The following SPTA1 variants were observed in gnomAD, a reference collection of about 807,000 sequenced individuals.
The protein encoded by SPTA1 is spectrin alpha, erythrocytic 1.
Under a neutral mutation model 324.7 loss-of-function variants are expected in SPTA1, and 177 were observed. The ratio of observed to expected loss-of-function variants is 0.55; its 90% CI spans 0.48 to 0.62. SPTA1 has a LOEUF of 0.62. Among genes scored for constraint, SPTA1 ranks in the 20% least tolerant of loss-of-function variants. The pLI is 0.00. For synonymous variants in SPTA1, 1,195 were observed against 1,041.3 expected (o/e 1.15, Z -2.84); for missense variants, 3,162 against 2,883.6 (o/e 1.10, Z -2.21).
chr1:158,681,729 G>T, intron 3 of SPTA1, 62 bp from the exon 4 acceptor site: 5 of 1,607,522 alleles, frequency 3.1e-6, no homozygotes, highest in Non-Finnish European at 8.5e-7. Context: ...AACACTCAGA[G>T]ACTTGTGCAG....
Position 158,642,397 on chromosome 1 carries a change from A to G in SPTA1, c.4737+14T>C. Reference sequence around the variant, plus strand: ...CATGTGACTTTGTAGCCCAAAACTCATCCTGAGCTTTACCTTCATGGCCTC... The same window carrying G: ...CATGTGACTTTGTAGCCCAAAACTCGTCCTGAGCTTTACCTTCATGGCCTC... On this transcript the variant is annotated intron_variant, in intron 33 of 51. Coordinates refer to ENST00000643759, the MANE Select transcript of SPTA1 (RefSeq NM_003126.4). 1 of 1,612,890 alleles carries G rather than the reference A, an allele frequency of 6.2e-7. No individual in the cohort carries two copies. Among genetic ancestry groups the G allele is most frequent in the Non-Finnish European group, 8.5e-7 (1 of 1,179,212 alleles).
chr1:158,620,720 C>A (rs948501352), intron 43 of SPTA1: 2 of 390,074 alleles, frequency 5.1e-6, no homozygotes, highest in Non-Finnish European at 9.1e-6. Context: ...TGAGGGAGGT[C>A]GAATTATTTC....
chr1:158,686,614 G>T lies in SPTA1; in HGVS notation c.-97C>A. The T allele has an allele frequency of 2.1e-6, 2 of 959,226 alleles. No homozygotes were observed. Among genetic ancestry groups the T allele is most frequent in the Non-Finnish European group, 3.3e-6 (2 of 604,568 alleles). The allele number at this position is 959,226 out of a possible 1,614,324, so 59.4% of individuals were successfully genotyped here. On this transcript the variant is annotated 5_prime_UTR_variant, in exon 1 of 52. Transcript: ENST00000643759. ...GGAACTGTCCAGTCGAATTCAAATA[G>T]AAATATAGAAACGTTAAGTATGTGG...
chr1:158,677,641 T>C (rs1486141239), intron 7 of SPTA1, 49 bp downstream of exon 7: 1 of 1,608,442 alleles, frequency 6.2e-7, no homozygotes, highest in East Asian at 2.2e-5. Flanking sequence ...TAATCAACAA[T>C]TGCCTCTTCT....
intron 11 of SPTA1, 70 bp from the exon 12 acceptor site, chr1:158,671,523 T>C: frequency 1.6e-6 from 2 of 1,251,792 alleles, no homozygotes; most frequent in South Asian, 2.4e-5. Context: ...GGCATATCTC[T>C]GAGACAAGGA....
At chr1:158,679,134 A>T (rs961763635) in intron 5 of SPTA1, among the ~76,000 whole-genome samples, 1 of 151,890 alleles carries the variant, frequency 6.6e-6, no homozygotes, top group Non-Finnish European at 1.5e-5. Flanking sequence ...AGGCATTCCC[A>T]TATGCCTAAG....
At chr1:158,641,608 A>G (rs1463665648) in intron 33 of SPTA1, among the ~76,000 whole-genome samples, 1 of 152,232 alleles carries the variant, frequency 6.6e-6, no homozygotes, top group Admixed American at 6.5e-5. Flanking sequence ...AACCACAATG[A>G]GATACCATCT....
At chr1:158,651,249 C>T (rs1187007697) in intron 24 of SPTA1, 118 bp downstream of exon 24, 1 of 765,054 alleles carries the variant, frequency 1.3e-6, no homozygotes, top group South Asian at 1.4e-5. Context: ...TTCCATACTG[C>T]TGTTACCTTC....
Position 158,611,063 on chromosome 1 carries a change from C to G in SPTA1, c.*201G>C. ...GCTTCCACTCCTCCAACTCTATTAA[C>G]CTTTCTATCTCCCACCCTTGAGATT... On this transcript the variant is annotated 3_prime_UTR_variant, in exon 52 of 52. Transcript: ENST00000643759. 1 of 680,650 alleles carries G rather than the reference C, an allele frequency of 1.5e-6. No homozygotes were observed. 42.2% of individuals were successfully genotyped at this position (680,650 alleles called of 1,614,324 possible).
chr1:158,615,124 T>C (rs995752365), intron 48 of SPTA1, 92 bp downstream of exon 48: 6 of 1,455,394 alleles, frequency 4.1e-6, no homozygotes, highest in African/African-American at 1.4e-5. Context: ...GCAACTCTTT[T>C]ATCTGGTGCA....
chr1:158,650,841 T>C (rs1652375062), intron 24 of SPTA1, among the ~76,000 whole-genome samples: 1 of 152,204 alleles, frequency 6.6e-6, no homozygotes, highest in South Asian at 2.1e-4. Flanking sequence ...TGGTGTAGCC[T>C]GGTACAGAAG....
intron 39 of SPTA1, among the ~76,000 whole-genome samples, chr1:158,633,181 G>C (rs1261133690): frequency 6.6e-6 from 1 of 152,136 alleles, no homozygotes. Context: ...AGGAAGAGGA[G>C]GTGGCTATAA....
At position 158,683,562 on chromosome 1, in the gene SPTA1, T is replaced by C. The variant is rs116321541; in HGVS notation, c.265-66A>G. 1.8e-3 allele frequency: 2,951 copies of C among 1,603,394 alleles called. 55 individuals are homozygous for C. In the African/African-American group the frequency reaches 0.035, roughly 19 times the overall value. ...GTCTTCATGGGAAATGTTCACTCTATGTAAAGCCACCAAACACAGGTTCTC... is the reference window on the plus strand; with the variant it reads ...GTCTTCATGGGAAATGTTCACTCTACGTAAAGCCACCAAACACAGGTTCTC... On this transcript the variant is annotated intron_variant, in intron 2 of 51. Transcript: ENST00000643759.
At chr1:158,619,160 T>C in intron 45 of SPTA1, 62 bp downstream of exon 45, 1 of 1,481,424 alleles carries the variant, frequency 6.8e-7, no homozygotes, top group Non-Finnish European at 9.4e-7. Context: ...AAACATGTAT[T>C]TCATCCCTAT....
intron 38 of SPTA1, among the ~76,000 whole-genome samples, chr1:158,635,609 G>A (rs1341742530): frequency 6.6e-6 from 1 of 152,168 alleles, no homozygotes; most frequent in Non-Finnish European, 1.5e-5. Context: ...GGGAGATAAA[G>A]CAGAACAGAT....
chr1:158,642,607 T>C, intron 32 of SPTA1, 65 bp from the exon 33 acceptor site: 8 of 1,605,022 alleles, frequency 5.0e-6, no homozygotes, highest in Non-Finnish European at 6.0e-6. Flanking sequence ...TAAGGTAAAT[T>C]GTATTTAAAA....
At position 158,669,548 on chromosome 1, in the gene SPTA1, C is replaced by T; in HGVS notation, c.1693G>A (p.Asp565Asn). 1 of 1,614,102 alleles carries T rather than the reference C, an allele frequency of 6.2e-7. No individual in the cohort carries two copies. Among genetic ancestry groups the T allele is most frequent in the Non-Finnish European group, 8.5e-7 (1 of 1,180,008 alleles). The change falls in exon 14 of 52, where the codon GAT becomes AAT. Residue 565 changes from aspartate (D) to asparagine (N), a missense_variant. By Grantham distance (23) the Asp-to-Asn change is conservative (BLOSUM62 1). Coordinates refer to ENST00000643759, the MANE Select transcript of SPTA1 (RefSeq NM_003126.4). ...AIRDGLLARR[D>N]ALREKAATRR... ...GTGGCAGCCTTTTCACGTAGGGCAT[C>T]CCGCCGGGCTAACAGCTGCAAAAAC...
chr1:158,678,447 T>C lies in SPTA1; in HGVS notation c.766A>G (p.Arg256Gly). 2 of 1,613,798 alleles carry C rather than the reference T, an allele frequency of 1.2e-6. No homozygotes were observed. The highest frequency in any genetic ancestry group is 1.7e-6 in the Non-Finnish European group (2 of 1,179,788). The change falls in exon 6 of 52, where the codon AGA (arginine) becomes GGA (glycine). Residue 256 changes from arginine (R) to glycine (G), a missense_variant. By Grantham distance (125) the Arg-to-Gly change is moderately radical (BLOSUM62 -2). Coordinates refer to ENST00000643759, the MANE Select transcript of SPTA1 (RefSeq NM_003126.4). ...GCAGCATTGGACAGAGCTTTCTGTC[T>C]CTGGAGAGCCAAACCACGAAGGCGC... is the stretch of plus-strand genomic sequence containing the variant. ...WERLRGLALQ[R>G]QKALSNAANL... is the part of the protein sequence containing the mutation.
Position 158,645,303 on chromosome 1 carries a change from T to C in SPTA1, c.4079A>G (p.His1360Arg). The change falls in exon 29 of 52, where the codon CAC becomes CGC. Residue 1360 changes from histidine (H) to arginine (R), a missense_variant. His to Arg is a conservative substitution (Grantham distance 29). Coordinates refer to ENST00000643759, the MANE Select transcript of SPTA1 (RefSeq NM_003126.4). ...TTTTTCAATTTCAGGGCTAGCATGG[T>C]GCCCACTGTCGATAAGTTCTGCACT... is the stretch of plus-strand genomic sequence containing the variant. ...DFSAELIDSG[H>R]HASPEIEKKL... The C allele has an allele frequency of 6.2e-7, 1 of 1,614,058 alleles. No homozygotes were observed. Among genetic ancestry groups the C allele is most frequent in the Non-Finnish European group, 8.5e-7 (1 of 1,179,976 alleles).
Sources: allele counts gnomAD v4.1 joint callset (sites outside exome capture counted in the v4.1 genomes callset), GRCh38; gene constraint gnomAD v4.1.1; transcripts MANE v1.5; gene names NCBI Gene and HGNC (gene_info 2026-07-23, HGNC 2026-07-21).